The following HHLA2 variants were observed in gnomAD, a reference collection of about 807,000 sequenced individuals.
The protein encoded by HHLA2 is HHLA2 member of B7 family, also known as HERV-H LTR-associating protein 2.
Under a neutral mutation model 45.9 loss-of-function variants are expected in HHLA2, and 48 were observed. The observed-to-expected ratio is 1.05, with a 90% CI of 0.83 to 1.33. The LOEUF (loss-of-function observed/expected upper bound fraction) is 1.33, where lower values mean the gene tolerates loss of function less well. Among genes scored for constraint, HHLA2 ranks in the 40% most tolerant of loss-of-function variants. HHLA2 has a pLI of 0.00. For synonymous variants in HHLA2, 161 were observed against 173.9 expected, an observed-to-expected ratio of 0.93 and a Z score of 0.59; for missense variants, 462 against 494.3, an observed-to-expected ratio of 0.93 and a Z score of 0.62.
chr3:108,362,515 C>T, intron 8 of HHLA2, 69 bp downstream of exon 7: 3 of 976,484 alleles, frequency 3.1e-6, no homozygotes, highest in Non-Finnish European at 4.7e-6. Flanking sequence ...CATGGAAATA[C>T]ATGCCCAAAC....
intron 2 of HHLA2, among the ~76,000 whole-genome samples, chr3:108,324,684 A>G (rs1029720537): frequency 6.6e-6 from 1 of 152,168 alleles, no homozygotes; most frequent in Non-Finnish European, 1.5e-5. Flanking sequence ...CAGTACAGTT[A>G]AGTTTTGCCT....
intron 5 of HHLA2, among the ~76,000 whole-genome samples, chr3:108,354,396 T>C (rs2081846385): frequency 6.6e-6 from 1 of 151,744 alleles, no homozygotes; most frequent in Admixed American, 6.6e-5. Context: ...TGTATTAATA[T>C]ATTAACTGTT....
At position 108,335,462 on chromosome 3, in the gene HHLA2, G is replaced by A. The variant is rs146843286; in HGVS notation, c.-27+7115G>A. Among the ~76,000 whole-genome samples the A allele has an allele frequency of 4.6e-5, 7 of 152,288 alleles. No individual in the cohort carries two copies. The East Asian group carries it at 7.7e-4, about 17-fold the overall frequency. ...TCTGACAGGGCTAACCCTAAAAGACGATGGAGAAGGGAAAGCCTCCCATTA... is the reference window on the plus strand; with the variant it reads ...TCTGACAGGGCTAACCCTAAAAGACAATGGAGAAGGGAAAGCCTCCCATTA... On this transcript the variant is annotated intron_variant, in intron 3 of 10. Coordinates refer to ENST00000619531, the Ensembl canonical transcript of HHLA2.
intron 3 of HHLA2, among the ~76,000 whole-genome samples, chr3:108,333,584 G>T (rs2081421465): frequency 8.0e-6 from 1 of 124,594 alleles, no homozygotes. Context: ...TTTCAGTGTT[G>T]CTCTCTCAGT....
At chr3:108,317,629 C>A (rs2081123940) in intron 2 of HHLA2, among the ~76,000 whole-genome samples, 2 of 149,156 alleles carry the variant, frequency 1.3e-5, no homozygotes, top group South Asian at 4.2e-4. Context: ...GGCTGGAGTG[C>A]AGTGGCACGT....
At chr3:108,354,759 T>C (rs2081853070) in intron 5 of HHLA2, among the ~76,000 whole-genome samples, 2 of 152,184 alleles carry the variant, frequency 1.3e-5, no homozygotes, top group Admixed American at 1.3e-4. Context: ...TGAGTCAGTA[T>C]TTGAGGAGTG....
exon 5 of HHLA2, chr3:108,353,632 C>T (rs372159295): frequency 6.2e-7 from 1 of 1,613,742 alleles, no homozygotes; most frequent in Non-Finnish European, 8.5e-7. Context: ...GATATGCAAA[C>T]AGGACATCCC....
chr3:108,336,401 C>G (rs1276299587), intron 3 of HHLA2, among the ~76,000 whole-genome samples: 2 of 152,158 alleles, frequency 1.3e-5, no homozygotes, highest in Non-Finnish European at 2.9e-5. Context: ...ATGTGTCTAA[C>G]AATGATAACT....
intron 2 of HHLA2, among the ~76,000 whole-genome samples, chr3:108,315,314 A>C (rs1195311549): frequency 6.6e-6 from 1 of 152,194 alleles, no homozygotes; most frequent in African/African-American, 2.4e-5. Flanking sequence ...GATATGACCA[A>C]GATGGATCCT....
intron 3 of HHLA2, among the ~76,000 whole-genome samples, chr3:108,345,322 A>G (rs1471164480): frequency 1.3e-5 from 2 of 152,234 alleles, no homozygotes; most frequent in Non-Finnish European, 2.9e-5. Context: ...CCTCCAAAGA[A>G]GGCTGAAGTT....
intron 2 of HHLA2, chr3:108,325,379 A>C (rs2081269449): frequency 3.4e-6 from 1 of 292,758 alleles, no homozygotes; most frequent in Admixed American, 4.2e-5. Flanking sequence ...TAAATGTGTC[A>C]TCTTTGTAGC....
exon 5 of HHLA2, chr3:108,353,682 T>G (rs2081830639): frequency 1.2e-6 from 2 of 1,613,602 alleles, no homozygotes; most frequent in African/African-American, 2.7e-5. Context: ...GCGTCGCTAT[T>G]TTTCAGAAGA....
At chr3:108,306,185 A>C (rs1175794321) in intron 1 of HHLA2, among the ~76,000 whole-genome samples, 1 of 152,166 alleles carries the variant, frequency 6.6e-6, no homozygotes, top group East Asian at 1.9e-4. Context: ...CACAGTTGGA[A>C]AGTTCTCCTC....
chr3:108,316,084 T>TAAAAAAAAAAAAA (rs566823530), intron 2 of HHLA2, among the ~76,000 whole-genome samples: 1 of 89,498 alleles, frequency 1.1e-5, no homozygotes. Flanking sequence ...TGACAAACAG[T>TAAAAAAAAAAAAA]AAAAAAAAAA....
chr3:108,313,796 T>C (rs934390252), intron 2 of HHLA2, among the ~76,000 whole-genome samples: 1 of 152,192 alleles, frequency 6.6e-6, no homozygotes, highest in South Asian at 2.1e-4. Flanking sequence ...CTTTGCCACA[T>C]AGACATTAAC....
intron 4 of HHLA2, 58 bp downstream of exon 3, chr3:108,351,935 C>A: frequency 1.7e-6 from 2 of 1,182,670 alleles, no homozygotes; most frequent in Non-Finnish European, 2.5e-6. Context: ...GAAACATGAG[C>A]ACACAATGCA....
In HHLA2 at chr3:108,361,172, G is replaced by A. The variant is rs1234755414; in HGVS notation, c.1004-1170G>A. Among the ~76,000 whole-genome samples, 5 of 152,182 alleles carry A rather than the reference G, an allele frequency of 3.3e-5. No individual in the cohort carries two copies. In the East Asian group the frequency reaches 9.6e-4, roughly 29 times the overall value. ...AGGCTCCTCCAGTTATTTCTGAGGAGCTCCAAACACTATCAGCAGGTCCTC... is the reference window on the plus strand; with the variant it reads ...AGGCTCCTCCAGTTATTTCTGAGGAACTCCAAACACTATCAGCAGGTCCTC... On this transcript the variant is annotated intron_variant, in intron 7 of 10. Transcript: ENST00000619531.
intron 9 of HHLA2, 116 bp downstream of exon 8, chr3:108,375,916 A>C: frequency 7.5e-7 from 1 of 1,341,906 alleles, no homozygotes; most frequent in Admixed American, 2.6e-5. Context: ...TATATTCCAT[A>C]CTTCTGCAGT....
At position 108,328,438 on chromosome 3, in the gene HHLA2, C is replaced by T. The variant is rs186948056; in HGVS notation, c.-27+91C>T. On this transcript the variant is annotated intron_variant, in intron 3 of 10. Coordinates refer to ENST00000619531, the Ensembl canonical transcript of HHLA2. ...GCATGACCAGGAAACATTTTAATTGCTTTGCAAATATTATTAACATAATTC... is the reference window on the plus strand; with the variant it reads ...GCATGACCAGGAAACATTTTAATTGTTTTGCAAATATTATTAACATAATTC... 356 of 755,646 alleles carry T rather than the reference C, an allele frequency of 4.7e-4. 2 individuals carry two copies. The highest frequency in any genetic ancestry group is 1.3e-4 in the Non-Finnish European group (65 of 484,798). 46.8% of individuals were successfully genotyped at this position (755,646 alleles called of 1,614,324 possible).
Sources: allele counts gnomAD v4.1 joint callset (sites outside exome capture counted in the v4.1 genomes callset), GRCh38; gene constraint gnomAD v4.1.1; transcripts MANE v1.5; gene names NCBI Gene and HGNC (gene_info 2026-07-23, HGNC 2026-07-21).